XPNPEP3: variants seen among roughly 807,000 people sequenced by gnomAD.
The protein encoded by XPNPEP3 is xaa-Pro aminopeptidase 3.
In XPNPEP3, 41 loss-of-function variants were observed where a neutral mutation model predicts 60.0. The ratio of observed to expected loss-of-function variants is 0.68; its 90% confidence interval spans 0.53 to 0.89. The LOEUF (loss-of-function observed/expected upper bound fraction) is 0.89, where lower values mean the gene tolerates loss of function less well. Among genes scored for constraint, XPNPEP3 ranks in the 40% least tolerant of loss-of-function variants. The pLI is 0.00. For missense variants in XPNPEP3, 598 were observed against 638.9 expected (o/e 0.94, Z 0.69); for synonymous variants, 212 against 223.2 (o/e 0.95, Z 0.45).
At chr22:40,911,544 T>C (rs1437129163) in intron 6 of XPNPEP3, among the ~76,000 whole-genome samples, 1 of 148,034 alleles carries the variant, frequency 6.8e-6, no homozygotes, top group East Asian at 2.0e-4. Context: ...TCTTCTTGCT[T>C]TTTTTTTTTT....
At chr22:40,858,546 T>G (rs867643368) in intron 1 of XPNPEP3, among the ~76,000 whole-genome samples, 2,540 of 132,314 alleles carry the variant, frequency 0.019, 10 homozygotes, top group African/African-American at 0.052. Flanking sequence ...TTTTTTTTTT[T>G]GAGACAGAGT....
intron 7 of XPNPEP3, among the ~76,000 whole-genome samples, chr22:40,918,869 G>A (rs1203523438): frequency 1.4e-5 from 2 of 144,420 alleles, no homozygotes; most frequent in East Asian, 2.0e-4. Flanking sequence ...TTGAGACACA[G>A]TCTTGCTCTG....
At chr22:40,917,903 A>G (rs1371126573) in intron 7 of XPNPEP3, 1 of 151,658 alleles carries the variant, frequency 6.6e-6, no homozygotes, top group Non-Finnish European at 1.5e-5. Flanking sequence ...CCCAGCTACT[A>G]GAGAGACTAA....
intron 1 of XPNPEP3, among the ~76,000 whole-genome samples, chr22:40,866,169 C>G (rs1183802534): frequency 6.6e-6 from 1 of 151,958 alleles, no homozygotes; most frequent in Admixed American, 6.6e-5. Context: ...TTTCTTATGT[C>G]CAATTAGAAG....
At chr22:40,878,110 G>A (rs2058034455) in intron 2 of XPNPEP3, among the ~76,000 whole-genome samples, 1 of 151,960 alleles carries the variant, frequency 6.6e-6, no homozygotes, top group African/African-American at 2.4e-5. Flanking sequence ...GGAACCTGGG[G>A]CAGGAGAATT....
chr22:40,908,439 G>A (rs1190790853), intron 5 of XPNPEP3, among the ~76,000 whole-genome samples: 1 of 152,110 alleles, frequency 6.6e-6, no homozygotes, highest in African/African-American at 2.4e-5. Context: ...GATGGCTTGA[G>A]CCTGGAAGGT....
At chr22:40,862,197 G>A in intron 1 of XPNPEP3, 1 of 1,365,930 alleles carries the variant, frequency 7.3e-7, no homozygotes, top group Non-Finnish European at 9.5e-7. Context: ...AGAGAGGGCT[G>A]CATTATGGTG....
At chr22:40,912,739 G>A (rs899029040) in intron 6 of XPNPEP3, among the ~76,000 whole-genome samples, 7 of 151,978 alleles carry the variant, frequency 4.6e-5, no homozygotes, top group Admixed American at 1.3e-4. Flanking sequence ...GCGTTGTAGC[G>A]TGCGCCTGTA....
Position 40,886,396 on chromosome 22 carries a change from G to T in XPNPEP3, c.673G>T (p.Ala225Ser). The T allele has an allele frequency of 6.2e-7, 1 of 1,614,126 alleles. No homozygotes were observed. Among genetic ancestry groups the T allele is most frequent in the Non-Finnish European group, 8.5e-7 (1 of 1,180,020 alleles). The change falls in exon 4 of 10, where the codon GCC (alanine) becomes TCC (serine). Residue 225 changes from alanine to serine, a missense_variant. By Grantham distance (99) the Ala-to-Ser change is moderately conservative (BLOSUM62 1). Transcript: ENST00000357137. ...HSDYMQPLTEAKAKSKNKVRG... is the reference protein window; with the variant it reads ...HSDYMQPLTESKAKSKNKVRG... ...TGACTATATGCAGCCCCTGACTGAG[G>T]CCAAAGCCAAGAGCAAGAACAAGGT...
intron 4 of XPNPEP3, chr22:40,888,603 C>T (rs2058077694): frequency 5.9e-6 from 1 of 169,800 alleles, no homozygotes; most frequent in South Asian, 1.1e-4. Context: ...TTTTATTTGT[C>T]TATTCATCCA....
rs772726035 is a variant in XPNPEP3, at chr22:40,886,510, T to A, written c.787T>A (p.Ser263Thr). ...AATGCAGATTGCTGGGAAGCTGACA[T>A]CACAGGTATGATTCCTATTGAAAAG... ...ERMQIAGKLT[S>T]QAFIETMFTS... is the part of the protein sequence containing the mutation. Residue 263 changes from serine (S) to threonine (T), a missense_variant, in exon 4 of 10, where the codon TCA (serine) becomes ACA (threonine). By Grantham distance (58) the Ser-to-Thr change is moderately conservative (BLOSUM62 1). Transcript: ENST00000357137. 13 of 1,613,698 alleles carry A rather than the reference T, an allele frequency of 8.1e-6. No individual in the cohort carries two copies. The East Asian group carries it at 2.9e-4, about 36-fold the overall frequency.
At chr22:40,884,403 C>T (rs1489300301) in intron 3 of XPNPEP3, among the ~76,000 whole-genome samples, 2 of 151,082 alleles carry the variant, frequency 1.3e-5, no homozygotes, top group Non-Finnish European at 2.9e-5. Flanking sequence ...CATCTCGGCT[C>T]ACTGCAACTC....
intron 4 of XPNPEP3, among the ~76,000 whole-genome samples, chr22:40,894,887 A>G (rs918503125): frequency 6.6e-5 from 10 of 152,130 alleles, no homozygotes; most frequent in Admixed American, 1.3e-4. Context: ...TTTGTGACCC[A>G]CTTGTTAGAC....
chr22:40,912,640 A>G (rs934884583), intron 6 of XPNPEP3, among the ~76,000 whole-genome samples: 2 of 152,292 alleles, frequency 1.3e-5, no homozygotes, highest in East Asian at 3.9e-4. Flanking sequence ...AGGCTGAGGC[A>G]GGTGGATCAC....
At chr22:40,880,271 G>A (rs191379624) in intron 2 of XPNPEP3, among the ~76,000 whole-genome samples, 5 of 151,952 alleles carry the variant, frequency 3.3e-5, no homozygotes, top group East Asian at 3.9e-4. Flanking sequence ...ATAAGTTATG[G>A]TCTCTTCACC....
At chr22:40,875,850 T>TAAA (rs768463487) in intron 2 of XPNPEP3, among the ~76,000 whole-genome samples, 1 of 119,514 alleles carries the variant, frequency 8.4e-6, no homozygotes, top group Non-Finnish European at 1.8e-5. Context: ...CCACCTCTAC[T>TAAA]AAAAAAAAAA....
chr22:40,900,315 A>AT (rs1348590494), intron 4 of XPNPEP3, among the ~76,000 whole-genome samples: 1 of 151,868 alleles, frequency 6.6e-6, no homozygotes, highest in African/African-American at 2.4e-5. Context: ...AGGAAAAAAA[A>AT]AAAAAAAGGC....
chr22:40,906,273 T>C (rs978326773), intron 4 of XPNPEP3, among the ~76,000 whole-genome samples: 1 of 151,924 alleles, frequency 6.6e-6, no homozygotes, highest in Non-Finnish European at 1.5e-5. Context: ...ATTTAAAAAT[T>C]AGCTGGGCAT....
At chr22:40,888,434 G>A in intron 4 of XPNPEP3, 1 of 441,204 alleles carries the variant, frequency 2.3e-6, no homozygotes, top group South Asian at 1.6e-5. Context: ...TGTAGAGACA[G>A]GGTTTCTCAG....
Sources: allele counts gnomAD v4.1 joint callset (sites outside exome capture counted in the v4.1 genomes callset), GRCh38; gene constraint gnomAD v4.1.1; transcripts MANE v1.5; gene names NCBI Gene and HGNC (gene_info 2026-07-23, HGNC 2026-07-21).